The following STYX variants were observed in gnomAD, a reference collection of about 807,000 sequenced individuals.
STYX encodes serine/threonine/tyrosine-interacting protein.
A neutral mutation model predicts 42.7 loss-of-function variants in STYX; 20 were observed. The observed-to-expected ratio is 0.47, with a 90% confidence interval of 0.33 to 0.68. The LOEUF (loss-of-function observed/expected upper bound fraction) is 0.68. Ranked by LOEUF, STYX falls within the 30% of genes least tolerant of loss-of-function variation. The pLI, the probability that STYX is intolerant of heterozygous loss-of-function variation, is 0.02. For missense variants in STYX, 226 were observed against 268.5 expected (o/e 0.84, Z 1.11); for synonymous variants, 78 against 81.9 (o/e 0.95, Z 0.26).
intron 4 of STYX, among the ~76,000 whole-genome samples, chr14:52,751,834 T>G (rs1013119519): frequency 6.6e-6 from 1 of 152,272 alleles, no homozygotes; most frequent in Middle Eastern, 3.4e-3. Context: ...GGGAGGCAGC[T>G]TCTTCCTTCA....
At chr14:52,736,945 G>A (rs1330947510) in intron 1 of STYX, among the ~76,000 whole-genome samples, 2 of 152,162 alleles carry the variant, frequency 1.3e-5, no homozygotes, top group African/African-American at 4.8e-5. Context: ...AAAGGAAAAG[G>A]ACTTTGGAGG....
intron 9 of STYX, among the ~76,000 whole-genome samples, chr14:52,760,559 A>G (rs187317934): frequency 4.5e-4 from 68 of 152,368 alleles, no homozygotes; most frequent in Admixed American, 3.3e-4. Context: ...ATTACATCCA[A>G]TTATGTAGGA....
chr14:52,753,217 T>A (rs1881702063), intron 4 of STYX, among the ~76,000 whole-genome samples: 1 of 151,568 alleles, frequency 6.6e-6, no homozygotes, highest in African/African-American at 2.4e-5. Context: ...TCCCAGATAA[T>A]TTTTTTTGTA....
intron 1 of STYX, among the ~76,000 whole-genome samples, chr14:52,731,178 C>G (rs904764796): frequency 4.6e-5 from 7 of 152,096 alleles, no homozygotes; most frequent in Non-Finnish European, 2.9e-5. Context: ...CCTGCTGTTT[C>G]TACTCGGATT....
Position 52,730,404 on chromosome 14 carries a change from G to A in STYX, c.-71G>A. Reference sequence around the variant, plus strand: ...GCCGGCCCTCCTTCCTTCCGCCGCCGCAGCCAGCCCGAGGGTCGGCCGGCT... The same window carrying A: ...GCCGGCCCTCCTTCCTTCCGCCGCCACAGCCAGCCCGAGGGTCGGCCGGCT... On this transcript the variant is annotated 5_prime_UTR_variant, in exon 1 of 11. Transcript: ENST00000354586. 1.9e-6 allele frequency: 3 copies of A among 1,548,868 alleles called. No individual in the cohort carries two copies. Among genetic ancestry groups the A allele is most frequent in the Non-Finnish European group, 2.6e-6 (3 of 1,132,750 alleles).
intron 3 of STYX, among the ~76,000 whole-genome samples, chr14:52,749,928 C>T (rs949368065): frequency 1.3e-5 from 2 of 152,074 alleles, no homozygotes; most frequent in African/African-American, 4.8e-5. Context: ...TATGAAATTA[C>T]GTTCAGAGTA....
At chr14:52,744,514 CAAAA>C (rs147833110) in intron 1 of STYX, among the ~76,000 whole-genome samples, 1,781 of 151,994 alleles carry the variant, frequency 0.012, 33 homozygotes, top group African/African-American at 0.038. Context: ...GCATGAGAAA[CAAAA>C]AAAATCTATT....
At chr14:52,734,281 C>T (rs944759148) in intron 1 of STYX, among the ~76,000 whole-genome samples, 1 of 152,166 alleles carries the variant, frequency 6.6e-6, no homozygotes, top group Non-Finnish European at 1.5e-5. Context: ...GGTGAAACAG[C>T]CTTAGATTCC....
At chr14:52,730,597 A>T (rs1451566886) in intron 1 of STYX, 66 bp downstream of exon 1, 4 of 1,563,120 alleles carry the variant, frequency 2.6e-6, no homozygotes, top group African/African-American at 1.4e-5. Context: ...GGGCGACCCC[A>T]GTCCCCAACC....
chr14:52,762,079 C>G (rs181863051), intron 9 of STYX, among the ~76,000 whole-genome samples: 15 of 151,676 alleles, frequency 9.9e-5, no homozygotes, highest in Admixed American at 9.2e-4. Flanking sequence ...AGGGTTTTGC[C>G]ATGTTGCCCA....
Position 52,730,204 on chromosome 14 carries a change from C to G in STYX, c.-271C>G, listed in dbSNP as rs1056324376. On this transcript the variant is annotated 5_prime_UTR_variant, in exon 1 of 11. Coordinates refer to ENST00000354586, the MANE Select transcript of STYX (RefSeq NM_145251.4). ...GTTCCTGTGCTGGATCCTGGGCGGC[C>G]TGAGGGGTACGGAGACTCTGGGGGA... The G allele has an allele frequency of 5.9e-6, 3 of 507,108 alleles. No individual in the cohort carries two copies. In the South Asian group the frequency reaches 7.9e-5, roughly 13 times the overall value. The allele number at this position is 507,108 out of a possible 1,614,324, so 31.4% of individuals were successfully genotyped here.
intron 1 of STYX, among the ~76,000 whole-genome samples, chr14:52,734,577 C>A (rs1193868781): frequency 6.6e-6 from 1 of 152,118 alleles, no homozygotes; most frequent in African/African-American, 2.4e-5. Context: ...TTTAGGAGGA[C>A]TGTGACAGGA....
At chr14:52,764,947 G>A (rs1009570606) in intron 9 of STYX, among the ~76,000 whole-genome samples, 6 of 152,260 alleles carry the variant, frequency 3.9e-5, no homozygotes, top group African/African-American at 1.4e-4. Context: ...GGGATTACGG[G>A]CGTGAGCCAC....
rs979925837 is a variant in STYX, at chr14:52,753,201, C to G, written c.242+2421C>G. Among the ~76,000 whole-genome samples the G allele has an allele frequency of 5.9e-5, 9 of 151,900 alleles. No homozygotes were observed. In the South Asian group the frequency reaches 8.3e-4, roughly 14 times the overall value. ...AGTAGCTGAGATTACAGGTGCCCAC[C>G]ACCACTCCCAGATAATTTTTTTTGT... On this transcript the variant is annotated intron_variant, in intron 4 of 10. Coordinates refer to ENST00000354586, the MANE Select transcript of STYX (RefSeq NM_145251.4).
At chr14:52,757,142 T>G (rs899987480) in intron 5 of STYX, among the ~76,000 whole-genome samples, 177 bp from the exon 6 acceptor site, 2 of 152,252 alleles carry the variant, frequency 1.3e-5, no homozygotes, top group African/African-American at 2.4e-5. Context: ...AATTAAATTT[T>G]GGCTTCTTTA....
chr14:52,774,827 G>A lies in STYX; in HGVS notation c.*3721G>A, dbSNP rs1377945643. On this transcript the variant is annotated 3_prime_UTR_variant, in exon 11 of 11. Coordinates refer to ENST00000354586, the MANE Select transcript of STYX (RefSeq NM_145251.4). ...TCTGTATACCTTTGTATACACAATT[G>A]CTTAAGTTACTCTGCTTTTAACATT... The A allele has an allele frequency of 6.6e-6, 1 of 152,084 alleles. No individual in the cohort carries two copies. The highest frequency in any genetic ancestry group is 6.6e-5 in the Admixed American group (1 of 15,262). The allele number at this position is 152,084 out of a possible 1,614,324, so 9.4% of individuals were successfully genotyped here.
At chr14:52,758,388 C>T (rs566051058) in intron 8 of STYX, among the ~76,000 whole-genome samples, 7 of 152,054 alleles carry the variant, frequency 4.6e-5, no homozygotes, top group East Asian at 1.9e-4. Context: ...GCTTCTTGCC[C>T]CAAGACAAAG....
At position 52,772,796 on chromosome 14, in the gene STYX, G is replaced by A. The variant is rs1021975745; in HGVS notation, c.*1690G>A. The A allele has an allele frequency of 2.0e-4, 31 of 151,884 alleles. No homozygotes were observed. Among genetic ancestry groups the A allele is most frequent in the African/African-American group, 7.5e-4 (31 of 41,308 alleles). The allele number at this position is 151,884 out of a possible 1,614,324, so 9.4% of individuals were successfully genotyped here. On this transcript the variant is annotated 3_prime_UTR_variant, in exon 11 of 11. Transcript: ENST00000354586. ...TTGACCCAGGTGATATTTCTCTTCTGATTTCCCTCCCCTTCCCTTCTCTTA... is the reference window on the plus strand; with the variant it reads ...TTGACCCAGGTGATATTTCTCTTCTAATTTCCCTCCCCTTCCCTTCTCTTA...
At chr14:52,768,960 A>C in intron 10 of STYX, 27 bp downstream of exon 10, 6 of 1,526,384 alleles carry the variant, frequency 3.9e-6, no homozygotes, top group Non-Finnish European at 5.3e-6. Flanking sequence ...TTTTGGAGAA[A>C]TTTGGGAAGA....
Sources: allele counts gnomAD v4.1 joint callset (sites outside exome capture counted in the v4.1 genomes callset), GRCh38; gene constraint gnomAD v4.1.1; transcripts MANE v1.5; gene names NCBI Gene and HGNC (gene_info 2026-07-23, HGNC 2026-07-21).